The following DERA variants were observed in gnomAD, a reference collection of about 807,000 sequenced individuals.
The protein encoded by DERA is deoxyribose-phosphate aldolase.
In DERA, 15 loss-of-function variants were observed where a neutral mutation model predicts 41.1. The observed-to-expected ratio is 0.37, with a 90% CI of 0.24 to 0.56. The LOEUF is 0.56. Among genes scored for constraint, DERA ranks in the 20% least tolerant of loss-of-function variants. DERA has a pLI of 0.81. For missense variants in DERA, 396 were observed against 403.4 expected (o/e 0.98, Z 0.16); for synonymous variants, 139 against 137.4 (o/e 1.01, Z -0.08).
intron 1 of DERA, among the ~76,000 whole-genome samples, chr12:15,920,527 A>G (rs191536354): frequency 1.2e-4 from 19 of 152,264 alleles, no homozygotes; most frequent in Admixed American, 1.2e-3. Context: ...GAGCCCCACA[A>G]TAGCTTTAAT....
rs1948963833 is a variant in DERA, at chr12:16,013,967, G to T, written c.638-18575G>T. Reference sequence around the variant, plus strand: ...CTGCCCTAAAGATCTGCGGAACTTTGAACTTGAGAGAGGTGATTTAGGGTA... The same window carrying T: ...CTGCCCTAAAGATCTGCGGAACTTTTAACTTGAGAGAGGTGATTTAGGGTA... On this transcript the variant is annotated intron_variant, in intron 6 of 8. Coordinates refer to ENST00000428559, the MANE Select transcript of DERA (RefSeq NM_015954.4). This position sits in a 1 kb window ranked among gnomAD's most constrained non-coding sequence, Gnocchi z 5.8. 6.6e-6 allele frequency among the ~76,000 whole-genome samples: 1 copy of T among 152,186 alleles called. No homozygotes were observed. The highest frequency in any genetic ancestry group is 2.4e-5 in the African/African-American group (1 of 41,442).
Position 16,007,174 on chromosome 12 carries a change from TG to T in DERA, c.637+24739del, listed in dbSNP as rs370322015. 3.3e-5 allele frequency among the ~76,000 whole-genome samples: 5 copies of T among 150,354 alleles called. No homozygotes were observed. The East Asian group carries it at 5.9e-4, about 18-fold the overall frequency. The stretch of plus-strand genomic sequence containing the variant: ...TTTTTTACTCTTTTTGGGGTTTTTT[TG>T]TTTTTTTTTTTTTGTTTTTTTTTTT... On this transcript the variant is annotated intron_variant, in intron 6 of 8. Transcript: ENST00000428559.
At chr12:15,930,625 T>A (rs566506979) in intron 1 of DERA, among the ~76,000 whole-genome samples, 1 of 152,274 alleles carries the variant, frequency 6.6e-6, no homozygotes, top group South Asian at 2.1e-4. Context: ...GGTTTCAGAA[T>A]TTAAATATAT....
At chr12:15,917,475 T>C (rs1221948047) in intron 1 of DERA, among the ~76,000 whole-genome samples, 1 of 152,206 alleles carries the variant, frequency 6.6e-6, no homozygotes, top group African/African-American at 2.4e-5. Flanking sequence ...TTAGATTTCA[T>C]AGAGTGCTTT....
chr12:16,005,325 A>G (rs1193423117), intron 6 of DERA, among the ~76,000 whole-genome samples: 1 of 152,156 alleles, frequency 6.6e-6, no homozygotes, highest in African/African-American at 2.4e-5. Flanking sequence ...GCGCACCTAC[A>G]GTCCTAGCTA....
Position 15,967,130 on chromosome 12 carries a change from A to T in DERA, c.508+4183A>T, listed in dbSNP as rs1353774329. 6.6e-6 allele frequency among the ~76,000 whole-genome samples: 1 copy of T among 151,976 alleles called. No homozygotes were observed. The highest frequency in any genetic ancestry group is 1.9e-4 in the East Asian group (1 of 5,160). ...TCTGGGAGGCTGAGGCAGGCAGATC[A>T]CTTGAGCCCAGGAGTTCAAGACCAG... is the stretch of plus-strand genomic sequence containing the variant. On this transcript the variant is annotated intron_variant, in intron 5 of 8. Transcript: ENST00000428559. The surrounding 1 kb of genome is among the most constrained non-coding windows in gnomAD (Gnocchi z 4.9).
In DERA at chr12:15,983,573, A is replaced by C. The variant is rs573613236; in HGVS notation, c.637+1137A>C. On this transcript the variant is annotated intron_variant, in intron 6 of 8. Coordinates refer to ENST00000428559, the MANE Select transcript of DERA (RefSeq NM_015954.4). The surrounding 1 kb of genome is among the most constrained non-coding windows in gnomAD (Gnocchi z 6.2). ...CCCATTATCTCCTCTGTGTGTCCCCACGGCATTCAAGTAAAAGCCCTATCA... is the reference window on the plus strand; with the variant it reads ...CCCATTATCTCCTCTGTGTGTCCCCCCGGCATTCAAGTAAAAGCCCTATCA... 7.2e-5 allele frequency among the ~76,000 whole-genome samples: 11 copies of C among 152,294 alleles called. No individual in the cohort carries two copies. Among genetic ancestry groups the C allele is most frequent in the African/African-American group, 2.6e-4 (11 of 41,550 alleles).
Position 15,992,169 on chromosome 12 carries a change from G to T in DERA, c.637+9733G>T, listed in dbSNP as rs535144717. 1.3e-5 allele frequency among the ~76,000 whole-genome samples: 2 copies of T among 151,374 alleles called. No homozygotes were observed. The highest frequency in any genetic ancestry group is 3.9e-4 in the East Asian group (2 of 5,146). ...TTACTATCAAACCTGGCATATAGTA[G>T]AGCCTAAGAATATATTTCCATATAC... On this transcript the variant is annotated intron_variant, in intron 6 of 8. Coordinates refer to ENST00000428559, the MANE Select transcript of DERA (RefSeq NM_015954.4). The surrounding 1 kb of genome is among the most constrained non-coding windows in gnomAD (Gnocchi z 4.3).
chr12:15,926,373 C>T (rs1304041690), intron 1 of DERA, among the ~76,000 whole-genome samples: 1 of 152,130 alleles, frequency 6.6e-6, no homozygotes, highest in Non-Finnish European at 1.5e-5. Flanking sequence ...CCCCTGTGAT[C>T]AGGCTCTCAT....
chr12:15,923,503 T>G (rs1948260816), intron 1 of DERA, among the ~76,000 whole-genome samples: 2 of 152,184 alleles, frequency 1.3e-5, no homozygotes, highest in Non-Finnish European at 2.9e-5. Context: ...TTCTCTGGCT[T>G]TCAAGGCTCT....
intron 6 of DERA, among the ~76,000 whole-genome samples, chr12:16,007,698 C>T (rs1474123119): frequency 6.6e-6 from 1 of 152,132 alleles, no homozygotes; most frequent in African/African-American, 2.4e-5. Context: ...AGGGCAGGCA[C>T]ATAGAAAAAT....
Position 15,959,768 on chromosome 12 carries a change from A to G in DERA, c.278-61A>G. 8.6e-7 allele frequency: 1 copy of G among 1,169,084 alleles called. No individual in the cohort carries two copies. The highest frequency in any genetic ancestry group is 1.2e-6 in the Non-Finnish European group (1 of 818,056). 72.4% of individuals were successfully genotyped at this position (1,169,084 alleles called of 1,614,324 possible). ...AGTGTTGCGATATAAATAATAATTA[A>G]AAGCATGTTGTATGAGTTGAACTTC... On this transcript the variant is annotated intron_variant, in intron 3 of 8. Coordinates refer to ENST00000428559, the MANE Select transcript of DERA (RefSeq NM_015954.4). The surrounding 1 kb of genome is among the most constrained non-coding windows in gnomAD (Gnocchi z 4.5).
Position 15,982,517 on chromosome 12 carries a change from A to G in DERA, c.637+81A>G. The G allele has an allele frequency of 7.0e-7, 1 of 1,436,150 alleles. No individual in the cohort carries two copies. The highest frequency in any genetic ancestry group is 9.3e-7 in the Non-Finnish European group (1 of 1,072,318). The allele number at this position is 1,436,150 out of a possible 1,614,324, so 89.0% of individuals were successfully genotyped here. On this transcript the variant is annotated intron_variant, in intron 6 of 8. Coordinates refer to ENST00000428559, the MANE Select transcript of DERA (RefSeq NM_015954.4). This position sits in a 1 kb window ranked among gnomAD's most constrained non-coding sequence, Gnocchi z 4.0. ...ATTAAGTAAGTGAAAGCATTTAGCT[A>G]TTATTAAACGTGCTAACCACTTGGA...
chr12:15,972,767 AG>A lies in DERA; in HGVS notation c.509-9538del, dbSNP rs1948671824. Among the ~76,000 whole-genome samples the A allele has an allele frequency of 6.6e-6, 1 of 152,170 alleles. No individual in the cohort carries two copies. The highest frequency in any genetic ancestry group is 2.1e-4 in the South Asian group (1 of 4,828). Reference sequence around the variant, plus strand: ...AAAGTTGCTCACAACTCTCAGGAGAAGGGATCTGCGTTCAGGGATCAGTGGG... The same window carrying A: ...AAAGTTGCTCACAACTCTCAGGAGAAGGATCTGCGTTCAGGGATCAGTGGG... On this transcript the variant is annotated intron_variant, in intron 5 of 8. Coordinates refer to ENST00000428559, the MANE Select transcript of DERA (RefSeq NM_015954.4). The surrounding 1 kb of genome is among the most constrained non-coding windows in gnomAD (Gnocchi z 4.4).
At chr12:16,007,729 G>A (rs765067106) in intron 6 of DERA, among the ~76,000 whole-genome samples, 1 of 152,150 alleles carries the variant, frequency 6.6e-6, no homozygotes, top group Non-Finnish European at 1.5e-5. Context: ...TTCAGGCCCA[G>A]TGTCTTCTTC....
chr12:16,007,953 C>A (rs1232854732), intron 6 of DERA, among the ~76,000 whole-genome samples: 1 of 152,084 alleles, frequency 6.6e-6, no homozygotes, highest in African/African-American at 2.4e-5. Context: ...TGTGTTCAAG[C>A]GATTCTCATG....
At chr12:16,015,826 A>G (rs146969630) in intron 6 of DERA, among the ~76,000 whole-genome samples, 165 of 152,288 alleles carry the variant, frequency 1.1e-3, no homozygotes, top group Non-Finnish European at 2.0e-3. Context: ...AATTGATTAT[A>G]TGTGTTTGCC....
chr12:15,964,624 A>G (rs527890294), intron 5 of DERA, among the ~76,000 whole-genome samples: 103 of 152,346 alleles, frequency 6.8e-4, no homozygotes, highest in African/African-American at 2.4e-3. Flanking sequence ...TGAAAAAGTG[A>G]GTAAGCGTAG....
At position 15,982,304 on chromosome 12, in the gene DERA, C is replaced by T. The variant is rs752964341; in HGVS notation, c.509-4C>T. On this transcript the variant is annotated splice_region_variant and splice_polypyrimidine_tract_variant and intron_variant, in intron 5 of 8. Coordinates refer to ENST00000428559, the MANE Select transcript of DERA (RefSeq NM_015954.4). The surrounding 1 kb of genome is among the most constrained non-coding windows in gnomAD (Gnocchi z 4.0). ...GTAACTGCCTCAATTATTTTCTTCC[C>T]CAGCCCTGTATGATGAGATTCGTCA... 11 of 1,609,990 alleles carry T rather than the reference C, an allele frequency of 6.8e-6. No individual in the cohort carries two copies. In the African/African-American group the frequency reaches 1.2e-4, roughly 18 times the overall value.
Sources: allele counts gnomAD v4.1 joint callset (sites outside exome capture counted in the v4.1 genomes callset), GRCh38; gene constraint gnomAD v4.1.1; non-coding constraint Gnocchi (gnomAD v3.1); transcripts MANE v1.5; gene names NCBI Gene and HGNC (gene_info 2026-07-23, HGNC 2026-07-21).